GSE1: variants seen among roughly 807,000 people sequenced by gnomAD.
GSE1 encodes Gse1 coiled-coil protein, also known as genetic suppressor element 1.
A neutral mutation model predicts 112.6 loss-of-function variants in GSE1; 32 were observed. That is an observed-to-expected ratio of 0.28 (90% confidence interval 0.21 to 0.38). The LOEUF is 0.38. GSE1 is among the 10% of genes least tolerant of loss of function. The pLI is 1.00. For missense variants in GSE1, 2,348 were observed against 1,699.2 expected, an observed-to-expected ratio of 1.38 and a Z score of -6.71; for synonymous variants, 1,115 against 735.6, an observed-to-expected ratio of 1.52 and a Z score of -8.35.
intron 2 of GSE1, among the ~76,000 whole-genome samples, chr16:85,514,478 G>A (rs372468971): frequency 4.6e-5 from 7 of 151,114 alleles, no homozygotes; most frequent in African/African-American, 1.7e-4. Flanking sequence ...TCTGGAGGAG[G>A]GACAGGGCAG....
upstream of GSE1, chr16:85,554,776 G>T (rs560706990): frequency 2.5e-4 from 154 of 606,832 alleles, 2 homozygotes; most frequent in South Asian, 5.3e-3. Context: ...TGTCAGTCGT[G>T]GGGGGGGAGG....
intron 1 of GSE1, among the ~76,000 whole-genome samples, chr16:85,346,005 G>T (rs1319936246): frequency 6.6e-6 from 1 of 151,738 alleles, no homozygotes; most frequent in Admixed American, 6.6e-5. Flanking sequence ...TAGATGCATG[G>T]ACAGAGGGAC....
At chr16:85,310,829 C>G (rs922850983) in intron 1 of GSE1, among the ~76,000 whole-genome samples, 2 of 151,984 alleles carry the variant, frequency 1.3e-5, no homozygotes, top group Non-Finnish European at 2.9e-5. Context: ...CAACACCCAC[C>G]CGGGGTCCAG....
chr16:85,343,187 A>G (rs1236848961), intron 1 of GSE1, among the ~76,000 whole-genome samples: 2 of 152,176 alleles, frequency 1.3e-5, no homozygotes, highest in Non-Finnish European at 2.9e-5. Context: ...GAAACAAAGC[A>G]TGGGTGCACA....
At chr16:85,459,070 G>T (rs1238490685) in intron 2 of GSE1, among the ~76,000 whole-genome samples, 1 of 152,202 alleles carries the variant, frequency 6.6e-6, no homozygotes, top group African/African-American at 2.4e-5. Flanking sequence ...TCCGTCGGCT[G>T]CTGCCTGTGG....
chr16:85,570,908 C>T (rs191088859), intron 1 of GSE1, among the ~76,000 whole-genome samples: 6 of 152,292 alleles, frequency 3.9e-5, no homozygotes, highest in East Asian at 1.9e-4. Flanking sequence ...TAACTCCAGG[C>T]GCTTGGAGGA....
At chr16:85,371,238 C>A (rs1456306243) in intron 2 of GSE1, among the ~76,000 whole-genome samples, 1 of 152,208 alleles carries the variant, frequency 6.6e-6, no homozygotes, top group African/African-American at 2.4e-5. Context: ...AGGCAGTGCT[C>A]ATGGACCAGA....
upstream of GSE1, among the ~76,000 whole-genome samples, chr16:85,612,679 TG>T (rs1004698334): frequency 9.3e-5 from 11 of 117,666 alleles, no homozygotes; most frequent in African/African-American, 3.3e-4. Context: ...CTTTTCTAGT[TG>T]GGGTAATAAG....
chr16:85,581,672 G>A (rs562843774), intron 1 of GSE1, among the ~76,000 whole-genome samples: 292 of 152,266 alleles, frequency 1.9e-3, no homozygotes, highest in African/African-American at 5.8e-3. Context: ...CCAGCAATCC[G>A]GCCGTCCTAA....
At chr16:85,542,407 A>T (rs1282542356) in intron 2 of GSE1, among the ~76,000 whole-genome samples, 1 of 152,166 alleles carries the variant, frequency 6.6e-6, no homozygotes, top group Non-Finnish European at 1.5e-5. Flanking sequence ...CCAGAGCCAC[A>T]CTGCACCTGC....
chr16:85,513,741 C>T (rs28635904), intron 2 of GSE1, among the ~76,000 whole-genome samples: 16,127 of 152,132 alleles, frequency 0.11, 2,296 homozygotes, highest in African/African-American at 0.32. Context: ...GCCACTCCTT[C>T]CCTGTCCTGC....
At chr16:85,374,180 G>A (rs1277375699) in intron 2 of GSE1, among the ~76,000 whole-genome samples, 1 of 150,828 alleles carries the variant, frequency 6.6e-6, no homozygotes, top group Non-Finnish European at 1.5e-5. Context: ...GTGTGTGTCA[G>A]TGTGCCTCTG....
At chr16:85,440,721 C>T (rs962277840) in intron 2 of GSE1, among the ~76,000 whole-genome samples, 4 of 152,202 alleles carry the variant, frequency 2.6e-5, no homozygotes, top group African/African-American at 9.6e-5. Flanking sequence ...GCCCCAGGAA[C>T]CATCACGGGG....
At chr16:85,329,653 G>A (rs34595882) in intron 1 of GSE1, among the ~76,000 whole-genome samples, 12,098 of 151,922 alleles carry the variant, frequency 0.08, 536 homozygotes, top group African/African-American at 0.11. Context: ...ATTAAGCGCC[G>A]GTGTTCTGAG....
At chr16:85,233,506 GC>G (rs1567627089) in intron 1 of GSE1, among the ~76,000 whole-genome samples, 1 of 152,198 alleles carries the variant, frequency 6.6e-6, no homozygotes, top group African/African-American at 2.4e-5. Context: ...GCACACATGT[GC>G]CTGTGTGTTC....
upstream of GSE1, among the ~76,000 whole-genome samples, chr16:85,551,296 G>A (rs1226211534): frequency 2.0e-5 from 3 of 152,236 alleles, no homozygotes; most frequent in African/African-American, 4.8e-5. Flanking sequence ...CTTACGAAGA[G>A]CGCTGCCCTT....
At chr16:85,558,132 C>T (rs1414804855) in intron 1 of GSE1, among the ~76,000 whole-genome samples, 1 of 152,202 alleles carries the variant, frequency 6.6e-6, no homozygotes, top group Non-Finnish European at 1.5e-5. Flanking sequence ...GAACTCAGAG[C>T]TATCTCTCCC....
At chr16:85,475,776 C>CTTT (rs57562071) in intron 2 of GSE1, among the ~76,000 whole-genome samples, 1 of 145,874 alleles carries the variant, frequency 6.9e-6, no homozygotes, top group African/African-American at 2.6e-5. Context: ...AATTGTTTTT[C>CTTT]TTTTTTTTTT....
chr16:85,502,612 C>T (rs377632572), intron 2 of GSE1, among the ~76,000 whole-genome samples: 4 of 152,218 alleles, frequency 2.6e-5, no homozygotes, highest in South Asian at 2.1e-4. Flanking sequence ...ATGGTGGCTG[C>T]GAGGCCTCTG....
Sources: allele counts gnomAD v4.1 joint callset (sites outside exome capture counted in the v4.1 genomes callset), GRCh38; gene constraint gnomAD v4.1.1; transcripts MANE v1.5; gene names NCBI Gene and HGNC (gene_info 2026-07-23, HGNC 2026-07-21).